TMEM163: variants seen among roughly 807,000 people sequenced by gnomAD.
The protein encoded by TMEM163 is transmembrane protein 163.
Under a neutral mutation model 29.3 loss-of-function variants are expected in TMEM163, and 17 were observed. The ratio of observed to expected loss-of-function variants is 0.58; its 90% CI spans 0.40 to 0.87. The LOEUF (loss-of-function observed/expected upper bound fraction) is 0.87. Ranked by LOEUF, TMEM163 falls within the 40% of genes least tolerant of loss-of-function variation. TMEM163 has a pLI of 0.00. For missense variants in TMEM163, 303 were observed against 381.5 expected, an observed-to-expected ratio of 0.79 and a Z score of 1.71; for synonymous variants, 157 against 160.6, an observed-to-expected ratio of 0.98 and a Z score of 0.17.
chr2:134,588,066 C>G (rs1197587036), intron 2 of TMEM163, among the ~76,000 whole-genome samples: 1 of 152,194 alleles, frequency 6.6e-6, no homozygotes, highest in African/African-American at 2.4e-5. Context: ...CTCCATAAGC[C>G]AAAGTCTACT....
intron 4 of TMEM163, among the ~76,000 whole-genome samples, chr2:134,532,110 G>C (rs1416903939): frequency 6.6e-6 from 1 of 152,212 alleles, no homozygotes; most frequent in Non-Finnish European, 1.5e-5. Flanking sequence ...ACAAAGTTCA[G>C]GTATGTGCAT....
chr2:134,662,416 C>T (rs1683775702), intron 2 of TMEM163, among the ~76,000 whole-genome samples: 1 of 151,980 alleles, frequency 6.6e-6, no homozygotes, highest in African/African-American at 2.4e-5. Context: ...TCATGGGTAC[C>T]TTCAGATATG....
intron 2 of TMEM163, among the ~76,000 whole-genome samples, chr2:134,686,924 T>A (rs1027916129): frequency 6.6e-6 from 1 of 152,180 alleles, no homozygotes; most frequent in African/African-American, 2.4e-5. Flanking sequence ...GAAGTGCAGA[T>A]GAAAATTGCA....
rs542990070 is a variant in TMEM163, at chr2:134,638,526, G to A, written c.322+74674C>T. Among the ~76,000 whole-genome samples the A allele has an allele frequency of 2.0e-5, 3 of 152,300 alleles. No homozygotes were observed. In the South Asian group the frequency reaches 6.2e-4, roughly 32 times the overall value. Reference sequence around the variant, plus strand: ...AAGAGGATTAAAGGAAGGAGATGATGGAGAAAGACCATTTAGGAGGCGCTA... The same window carrying A: ...AAGAGGATTAAAGGAAGGAGATGATAGAGAAAGACCATTTAGGAGGCGCTA... On this transcript the variant is annotated intron_variant, in intron 2 of 7. Transcript: ENST00000281924.
chr2:134,551,549 G>A (rs918020091), intron 3 of TMEM163, among the ~76,000 whole-genome samples: 22 of 152,084 alleles, frequency 1.4e-4, no homozygotes, highest in South Asian at 4.1e-4. Flanking sequence ...AGGGGCCTGG[G>A]GAAACTTCAC....
At chr2:134,484,475 A>T (rs556737163) in intron 5 of TMEM163, among the ~76,000 whole-genome samples, 57 of 152,270 alleles carry the variant, frequency 3.7e-4, no homozygotes, top group Admixed American at 2.2e-3. Context: ...ACTCAAAACC[A>T]GCCTGAGCAA....
chr2:134,651,845 A>G (rs1026230275), intron 2 of TMEM163, among the ~76,000 whole-genome samples: 1 of 122,916 alleles, frequency 8.1e-6, no homozygotes, highest in Non-Finnish European at 1.6e-5. Context: ...GTCAAAGATC[A>G]GATAGTTGTA....
chr2:134,618,520 A>T (rs1378348180), intron 2 of TMEM163, among the ~76,000 whole-genome samples: 1 of 152,190 alleles, frequency 6.6e-6, no homozygotes, highest in Non-Finnish European at 1.5e-5. Context: ...GATATAAAAA[A>T]TTGAATAACA....
chr2:134,509,783 G>A (rs1170298567), intron 4 of TMEM163, among the ~76,000 whole-genome samples: 1 of 152,214 alleles, frequency 6.6e-6, no homozygotes, highest in East Asian at 1.9e-4. Flanking sequence ...ACAGAACTAA[G>A]AGTGATAAAA....
intron 4 of TMEM163, among the ~76,000 whole-genome samples, chr2:134,507,166 G>A (rs577902032): frequency 6.6e-4 from 101 of 152,034 alleles, no homozygotes; most frequent in African/African-American, 2.4e-3. Flanking sequence ...GACAAACCCC[G>A]TCTCTACTAA....
At chr2:134,504,902 C>T (rs1414129296) in intron 4 of TMEM163, among the ~76,000 whole-genome samples, 3 of 152,148 alleles carry the variant, frequency 2.0e-5, no homozygotes, top group Non-Finnish European at 4.4e-5. Context: ...TGACTACATA[C>T]TGTAGCAAGA....
At chr2:134,645,057 A>G (rs545385705) in intron 2 of TMEM163, among the ~76,000 whole-genome samples, 1 of 152,352 alleles carries the variant, frequency 6.6e-6, no homozygotes, top group South Asian at 2.1e-4. Context: ...AACTAAAACC[A>G]TGAGATACTA....
At chr2:134,495,782 G>A (rs1679537241) in intron 5 of TMEM163, among the ~76,000 whole-genome samples, 1 of 152,150 alleles carries the variant, frequency 6.6e-6, no homozygotes, top group South Asian at 2.1e-4. Flanking sequence ...CCTGAAAACA[G>A]AAGATTCCAG....
In TMEM163 at chr2:134,566,363, A is replaced by T. The variant is rs548075489; in HGVS notation, c.323-14272T>A. Among the ~76,000 whole-genome samples, 9 of 152,238 alleles carry T rather than the reference A, an allele frequency of 5.9e-5. No individual in the cohort carries two copies. The South Asian group carries it at 1.0e-3, about 18-fold the overall frequency. On this transcript the variant is annotated intron_variant, in intron 2 of 7. Transcript: ENST00000281924. ...TGGATCACAAGGTCAGGAGTTCGAGACCAGCCCAGCCAATATGGTGAAACC... is the reference window on the plus strand; with the variant it reads ...TGGATCACAAGGTCAGGAGTTCGAGTCCAGCCCAGCCAATATGGTGAAACC...
intron 2 of TMEM163, among the ~76,000 whole-genome samples, chr2:134,580,879 C>A (rs1681676114): frequency 6.6e-6 from 1 of 152,200 alleles, no homozygotes; most frequent in Non-Finnish European, 1.5e-5. Context: ...CTCCACTGCA[C>A]TCCAGCCTGG....
intron 2 of TMEM163, among the ~76,000 whole-genome samples, chr2:134,656,321 C>T (rs1683611334): frequency 6.6e-6 from 1 of 151,540 alleles, no homozygotes; most frequent in African/African-American, 2.4e-5. Flanking sequence ...CCAGGTGCGT[C>T]CGTCACCCCT....
intron 2 of TMEM163, among the ~76,000 whole-genome samples, chr2:134,661,456 C>T (rs986555412): frequency 2.6e-5 from 4 of 152,220 alleles, no homozygotes; most frequent in Non-Finnish European, 5.9e-5. Flanking sequence ...AATGCAGCCA[C>T]ATTCATGTTT....
chr2:134,505,508 G>A (rs6430519), intron 4 of TMEM163, among the ~76,000 whole-genome samples: 33,967 of 151,834 alleles, frequency 0.22, 5,527 homozygotes, highest in East Asian at 0.49. Context: ...AGGGGGTCTC[G>A]TGGGACCTAA....
At chr2:134,499,720 C>T (rs950922415) in intron 5 of TMEM163, among the ~76,000 whole-genome samples, 1 of 152,220 alleles carries the variant, frequency 6.6e-6, no homozygotes, top group East Asian at 1.9e-4. Context: ...AGGGAAGACG[C>T]TGTTTCTGAC....
Sources: allele counts gnomAD v4.1 joint callset (sites outside exome capture counted in the v4.1 genomes callset), GRCh38; gene constraint gnomAD v4.1.1; transcripts MANE v1.5; gene names NCBI Gene and HGNC (gene_info 2026-07-23, HGNC 2026-07-21).